CACNB4: variants seen among roughly 807,000 people sequenced by gnomAD.
The protein encoded by CACNB4 is voltage-dependent L-type calcium channel subunit beta-4.
CACNB4 carries 32 observed loss-of-function variants against 71.2 expected under a neutral mutation model. The observed-to-expected ratio is 0.45, with a 90% confidence interval of 0.34 to 0.60. The LOEUF (loss-of-function observed/expected upper bound fraction) is 0.60, where lower values mean the gene tolerates loss of function less well. Ranked by LOEUF, CACNB4 falls within the 20% of genes least tolerant of loss-of-function variation. The pLI is 0.01. For synonymous variants in CACNB4, 231 were observed against 236.9 expected (o/e 0.97, Z 0.23); for missense variants, 464 against 647.9 (o/e 0.72, Z 3.08).
At chr2:151,929,826 T>C (rs1249557157) in intron 2 of CACNB4, among the ~76,000 whole-genome samples, 1 of 152,048 alleles carries the variant, frequency 6.6e-6, no homozygotes, top group Non-Finnish European at 1.5e-5. Context: ...ATTTCCAGGC[T>C]CTATATGAAG....
chr2:152,050,992 C>T (rs1685399332), intron 2 of CACNB4, among the ~76,000 whole-genome samples: 1 of 152,128 alleles, frequency 6.6e-6, no homozygotes. Context: ...TGGTCTTGAA[C>T]CCCTGAGCTT....
chr2:151,862,176 A>G (rs1440472011), intron 9 of CACNB4, among the ~76,000 whole-genome samples: 1 of 152,174 alleles, frequency 6.6e-6, no homozygotes, highest in African/African-American at 2.4e-5. Flanking sequence ...TTGAAGCAGG[A>G]AGGAGGGTAG....
intron 2 of CACNB4, among the ~76,000 whole-genome samples, chr2:151,931,205 T>C (rs1225423134): frequency 1.3e-5 from 2 of 152,168 alleles, no homozygotes; most frequent in Non-Finnish European, 2.9e-5. Flanking sequence ...TGATCAAGAA[T>C]TGCTAAGGAA....
intron 2 of CACNB4, among the ~76,000 whole-genome samples, chr2:151,996,747 T>C (rs866466605): frequency 2.0e-5 from 3 of 152,322 alleles, no homozygotes; most frequent in African/African-American, 7.2e-5. Flanking sequence ...ATTTTTCTTA[T>C]TTTCTGTCAC....
In CACNB4 at chr2:152,098,582, C is replaced by CCCCAAG; in HGVS notation, c.64-170_64-169insCTTGGG. The CCCCAAG allele has an allele frequency of 9.9e-7, 1 of 1,009,710 alleles. No individual in the cohort carries two copies. Among genetic ancestry groups the CCCCAAG allele is most frequent in the Non-Finnish European group, 1.5e-6 (1 of 651,340 alleles). The allele number at this position is 1,009,710 out of a possible 1,614,324, so 62.5% of individuals were successfully genotyped here. ...AAATACAGCCCCCACCCCCACCCAC[C>CCCCAAG]CACTGCAAGCCTCGACTGCTGAAAA... On this transcript the variant is annotated intron_variant, in intron 1 of 13. Coordinates refer to ENST00000539935, the MANE Select transcript of CACNB4 (RefSeq NM_000726.5). This position sits in a 1 kb window ranked among gnomAD's most constrained non-coding sequence, Gnocchi z 5.3.
chr2:151,915,440 C>T (rs544247463), intron 2 of CACNB4, among the ~76,000 whole-genome samples: 16 of 152,362 alleles, frequency 1.1e-4, no homozygotes, highest in Non-Finnish European at 1.9e-4. Flanking sequence ...CTGTCCCTCC[C>T]GCAAGGAGCT....
At chr2:152,044,847 C>A (rs1174050156) in intron 2 of CACNB4, among the ~76,000 whole-genome samples, 1 of 152,098 alleles carries the variant, frequency 6.6e-6, no homozygotes, top group Admixed American at 6.6e-5. Flanking sequence ...CATGAAAAAC[C>A]CAAGGCCAGT....
intron 2 of CACNB4, among the ~76,000 whole-genome samples, chr2:151,977,353 AC>A (rs1362551914): frequency 1.3e-5 from 2 of 152,342 alleles, no homozygotes; most frequent in African/African-American, 4.8e-5. Flanking sequence ...TTGCAATTTG[AC>A]AAATGCCTCC....
chr2:152,002,205 C>T (rs1313298763), intron 2 of CACNB4, among the ~76,000 whole-genome samples: 1 of 152,240 alleles, frequency 6.6e-6, no homozygotes, highest in African/African-American at 2.4e-5. Context: ...AGTACAGCAA[C>T]ATTTTTAAAG....
At chr2:151,870,089 G>A in intron 8 of CACNB4, 1 of 597,290 alleles carries the variant, frequency 1.7e-6, no homozygotes, top group Non-Finnish European at 3.0e-6. Flanking sequence ...GGATTTGGTG[G>A]CATATGCCAT....
At chr2:151,989,693 C>G (rs143859372) in intron 2 of CACNB4, among the ~76,000 whole-genome samples, 92 of 152,326 alleles carry the variant, frequency 6.0e-4, no homozygotes, top group African/African-American at 2.2e-3. Flanking sequence ...AAATACAGGT[C>G]TGAAGTTCAA....
intron 2 of CACNB4, among the ~76,000 whole-genome samples, chr2:151,943,145 C>T (rs113427677): frequency 2.3e-4 from 35 of 152,286 alleles, no homozygotes; most frequent in African/African-American, 7.7e-4. Flanking sequence ...AGGTGGGCAT[C>T]ACGGTCCTAC....
chr2:151,886,440 C>G (rs1377411771), intron 2 of CACNB4, among the ~76,000 whole-genome samples: 1 of 152,180 alleles, frequency 6.6e-6, no homozygotes, highest in Non-Finnish European at 1.5e-5. Flanking sequence ...CTTTTCAAAT[C>G]CTGGGATTCA....
intron 2 of CACNB4, among the ~76,000 whole-genome samples, chr2:151,914,173 C>A (rs1350539731): frequency 6.6e-6 from 1 of 151,940 alleles, no homozygotes; most frequent in African/African-American, 2.4e-5. Flanking sequence ...TTGTTCATTC[C>A]TTTTCATTCT....
intron 2 of CACNB4, among the ~76,000 whole-genome samples, chr2:152,067,739 C>T (rs1686425846): frequency 6.6e-6 from 1 of 152,148 alleles, no homozygotes; most frequent in Admixed American, 6.5e-5. Context: ...GGATAGCAAT[C>T]ATCGCAGGCA....
rs558709143 is a variant in CACNB4 at position 152,058,514 on chromosome 2, G to C, written c.147+39816C>G. Among the ~76,000 whole-genome samples the C allele has an allele frequency of 5.9e-5, 9 of 152,346 alleles. No individual in the cohort carries two copies. In the South Asian group the frequency reaches 1.9e-3, roughly 32 times the overall value. On this transcript the variant is annotated intron_variant, in intron 2 of 13. Transcript: ENST00000539935. ...AGAATTTATTGGGAGCTAGAGCAAA[G>C]GTAACTCTTGCTGTGCTTTAGCAAA...
chr2:151,880,442 C>T (rs964308162), intron 4 of CACNB4: 3 of 315,150 alleles, frequency 9.5e-6, no homozygotes, highest in Non-Finnish European at 1.8e-5. Context: ...ACAGTCCCTT[C>T]TGGGTAGGTG....
chr2:151,959,871 T>C (rs780659774), intron 2 of CACNB4, among the ~76,000 whole-genome samples: 1 of 152,216 alleles, frequency 6.6e-6, no homozygotes, highest in Non-Finnish European at 1.5e-5. Context: ...CTTTATATTG[T>C]AGCTCTGATT....
chr2:152,044,898 G>A (rs555962396), intron 2 of CACNB4, among the ~76,000 whole-genome samples: 20 of 151,978 alleles, frequency 1.3e-4, no homozygotes, highest in Admixed American at 2.6e-4. Flanking sequence ...CACCCAAAAA[G>A]TTAACAATAA....
Sources: allele counts gnomAD v4.1 joint callset (sites outside exome capture counted in the v4.1 genomes callset), GRCh38; gene constraint gnomAD v4.1.1; non-coding constraint Gnocchi (gnomAD v3.1); transcripts MANE v1.5; gene names NCBI Gene and HGNC (gene_info 2026-07-23, HGNC 2026-07-21).